TDRD1: variants seen among roughly 807,000 people sequenced by gnomAD.
TDRD1 encodes the protein tudor domain-containing protein 1.
In TDRD1, 37 loss-of-function variants were observed where a neutral mutation model predicts 140.6. The observed-to-expected ratio is 0.26, with a 90% CI of 0.20 to 0.35. The LOEUF (loss-of-function observed/expected upper bound fraction) is 0.35, where lower values mean the gene tolerates loss of function less well. Among genes scored for constraint, TDRD1 ranks in the 10% least tolerant of loss-of-function variants. The pLI is 1.00. For missense variants in TDRD1, 1,243 were observed against 1,393.0 expected (o/e 0.89, Z 1.71); for synonymous variants, 506 against 475.7 (o/e 1.06, Z -0.83).
rs1391399533 is a variant in TDRD1 at position 114,190,946 on chromosome 10, G to A, written c.326-15G>A. The A allele has an allele frequency of 6.2e-7, 1 of 1,613,050 alleles. No individual in the cohort carries two copies. Among genetic ancestry groups the A allele is most frequent in the East Asian group, 2.2e-5 (1 of 44,832 alleles). Reference sequence around the variant, plus strand: ...TTATTTGGCTTTTATTTGAAATTGTGTTTTTCCTCCCCAGGAAACTCAGTG... The same window carrying A: ...TTATTTGGCTTTTATTTGAAATTGTATTTTTCCTCCCCAGGAAACTCAGTG... On this transcript the variant is annotated splice_polypyrimidine_tract_variant and intron_variant, in intron 2 of 25. Transcript: ENST00000251864.
chr10:114,224,070 A>G (rs1184195537), intron 21 of TDRD1, among the ~76,000 whole-genome samples: 1 of 151,784 alleles, frequency 6.6e-6, no homozygotes, highest in Non-Finnish European at 1.5e-5. Flanking sequence ...CTTTTGATTT[A>G]CTCCAGTATT....
intron 2 of TDRD1, 99 bp downstream of exon 2, chr10:114,188,255 C>A (rs2120174937): frequency 1.9e-6 from 2 of 1,026,770 alleles, no homozygotes; most frequent in East Asian, 2.4e-5. Context: ...ATTAGCAGAA[C>A]AGGCACATGA....
At chr10:114,216,451 C>T (rs180983480) in intron 16 of TDRD1, among the ~76,000 whole-genome samples, 19 of 152,166 alleles carry the variant, frequency 1.2e-4, no homozygotes, top group Admixed American at 1.0e-3. Context: ...TTTTCCAAAT[C>T]TTGGTTTTTC....
chr10:114,190,751 G>A (rs1294950792), intron 2 of TDRD1, among the ~76,000 whole-genome samples: 1 of 152,202 alleles, frequency 6.6e-6, no homozygotes, highest in Non-Finnish European at 1.5e-5. Flanking sequence ...GCCTCCCAAA[G>A]TGCTGGGATT....
At chr10:114,213,418 T>C in exon 15 of TDRD1, 1 of 1,614,006 alleles carries the variant, frequency 6.2e-7, no homozygotes, top group Non-Finnish European at 8.5e-7. Flanking sequence ...CAGAACAAAA[T>C]AATCACAGTG....
rs2036791677 is a variant in TDRD1, at chr10:114,232,199, C to T, written c.*682C>T. The T allele has an allele frequency of 2.0e-5, 3 of 151,614 alleles. No homozygotes were observed. The South Asian group carries it at 6.2e-4, about 31-fold the overall frequency. The allele number at this position is 151,614 out of a possible 1,614,324, so 9.4% of individuals were successfully genotyped here. A position where few individuals can be genotyped will look rare whatever the true frequency, so the allele number is the denominator to read the frequency against. ...TAACTGGAGAAGGAACTTTATGTTCCCTCTCCTGCTGTGTCCACAACCTTA... is the reference window on the plus strand; with the variant it reads ...TAACTGGAGAAGGAACTTTATGTTCTCTCTCCTGCTGTGTCCACAACCTTA... On this transcript the variant is annotated 3_prime_UTR_variant, in exon 26 of 26. Coordinates refer to ENST00000251864, the Ensembl canonical transcript of TDRD1.
At chr10:114,193,127 C>G (rs1446744439) in intron 3 of TDRD1, among the ~76,000 whole-genome samples, 1 of 151,974 alleles carries the variant, frequency 6.6e-6, no homozygotes, top group Non-Finnish European at 1.5e-5. Flanking sequence ...TAGTTTTTAG[C>G]TTACATATCC....
chr10:114,206,099 T>C, intron 10 of TDRD1, 145 bp from the exon 11 acceptor site: 1 of 617,450 alleles, frequency 1.6e-6, no homozygotes, highest in South Asian at 2.1e-5. Flanking sequence ...AGCTTACCCA[T>C]AGGAACTGAA....
intron 5 of TDRD1, among the ~76,000 whole-genome samples, chr10:114,201,874 A>G (rs1397469262): frequency 1.3e-5 from 2 of 152,214 alleles, no homozygotes; most frequent in Admixed American, 1.3e-4. Flanking sequence ...CTTGCATGGC[A>G]TTTACCAGTT....
chr10:114,202,202 G>C (rs767580808), intron 5 of TDRD1, 36 bp from the exon 6 acceptor site: 5 of 1,540,726 alleles, frequency 3.2e-6, no homozygotes, highest in Admixed American at 3.6e-5. Flanking sequence ...AATTGCCTCT[G>C]TAGTATAAAT....
chr10:114,204,518 C>T (rs1443455807), intron 9 of TDRD1, among the ~76,000 whole-genome samples: 2 of 152,012 alleles, frequency 1.3e-5, no homozygotes, highest in Admixed American at 1.3e-4. Context: ...TAAATTTCTC[C>T]AGCTTCAAGT....
intron 3 of TDRD1, 61 bp downstream of exon 3, chr10:114,191,080 A>G: frequency 6.5e-7 from 1 of 1,532,986 alleles, no homozygotes. Flanking sequence ...TGTTTTATTT[A>G]TTTAATAAAG....
At chr10:114,204,282 G>C (rs1222060142) in intron 9 of TDRD1, 66 bp downstream of exon 9, 1 of 1,490,058 alleles carries the variant, frequency 6.7e-7, no homozygotes, top group African/African-American at 1.4e-5. Context: ...ATGTTTTGAT[G>C]GGCACAGTGT....
intron 11 of TDRD1, 46 bp downstream of exon 11, chr10:114,206,376 A>G: frequency 6.7e-7 from 1 of 1,493,816 alleles, no homozygotes; most frequent in Non-Finnish European, 9.3e-7. Context: ...TCAGTTATTG[A>G]AGACCATCTA....
chr10:114,221,363 C>T, exon 20 of TDRD1: 2 of 1,613,186 alleles, frequency 1.2e-6, no homozygotes, highest in Admixed American at 1.7e-5. Context: ...CCAGCTACCT[C>T]TTCAGCTGAG....
In TDRD1 at chr10:114,206,241, T is replaced by A. The variant is rs774291496; in HGVS notation, c.1298-3T>A. On this transcript the variant is annotated splice_region_variant and splice_polypyrimidine_tract_variant and intron_variant, in intron 10 of 25. Transcript: ENST00000251864. The stretch of plus-strand genomic sequence containing the variant: ...GAGGCATATTTTCTTAATCACTTTT[T>A]AGGAAAACTTTTAGACCATGTGCTT... 4 of 1,611,204 alleles carry A rather than the reference T, an allele frequency of 2.5e-6. No individual in the cohort carries two copies. Among genetic ancestry groups the A allele is most frequent in the Non-Finnish European group, 3.4e-6 (4 of 1,178,412 alleles).
intron 3 of TDRD1, among the ~76,000 whole-genome samples, chr10:114,197,781 CTGAG>C (rs1025446069): frequency 2.0e-5 from 3 of 151,980 alleles, no homozygotes; most frequent in Admixed American, 6.5e-5. Context: ...CCTCAGCTTC[CTGAG>C]TAACTGGGAT....
chr10:114,188,239 T>C, intron 2 of TDRD1, 83 bp downstream of exon 2: 1 of 1,242,880 alleles, frequency 8.0e-7, no homozygotes, highest in Non-Finnish European at 1.1e-6. Flanking sequence ...CACACACCAG[T>C]GGGCTATTAG....
At chr10:114,218,369 A>C (rs1021284337) in intron 17 of TDRD1, 45 bp from the exon 18 acceptor site, 1 of 1,324,592 alleles carries the variant, frequency 7.5e-7, no homozygotes, top group South Asian at 2.3e-5. Context: ...TCAAGTGTCG[A>C]TAGAAAGGAA....
Sources: gnomAD v4.1 joint callset for allele counts (sites outside exome capture counted in the v4.1 genomes callset) on GRCh38, gnomAD v4.1.1 for gene constraint, MANE v1.5 for transcripts, NCBI Gene and HGNC (gene_info 2026-07-23, HGNC 2026-07-21) for gene names.